SUCLA2: variants seen among roughly 807,000 people sequenced by gnomAD.
The protein encoded by SUCLA2 is succinate-CoA ligase ADP-forming subunit beta.
Under a neutral mutation model 54.8 loss-of-function variants are expected in SUCLA2, and 30 were observed. The ratio of observed to expected loss-of-function variants is 0.55; its 90% CI spans 0.41 to 0.74. The LOEUF is 0.74. Ranked by LOEUF, SUCLA2 falls within the 30% of genes least tolerant of loss-of-function variation. The pLI, the probability that SUCLA2 is intolerant of heterozygous loss-of-function variation, is 0.00. For missense variants in SUCLA2, 476 were observed against 562.9 expected (o/e 0.85, Z 1.56); for synonymous variants, 172 against 188.9 (o/e 0.91, Z 0.74).
At chr13:47,964,789 G>A (rs755142734) in intron 6 of SUCLA2, among the ~76,000 whole-genome samples, 9 of 151,958 alleles carry the variant, frequency 5.9e-5, no homozygotes, top group South Asian at 2.1e-4. Flanking sequence ...CCTGGGAGGC[G>A]GAGCTTGCAG....
chr13:47,967,885 A>T (rs969231385), intron 6 of SUCLA2, among the ~76,000 whole-genome samples: 2 of 151,486 alleles, frequency 1.3e-5, no homozygotes, highest in African/African-American at 2.4e-5. Flanking sequence ...ATTTGAGTAC[A>T]TGCAAAAACA....
rs776646126 is a variant in SUCLA2, at chr13:47,989,000, T to TA, written c.272-20dup. On this transcript the variant is annotated intron_variant, in intron 2 of 10. Transcript: ENST00000646932. ...TTTGAACCTAGAAGAAAAACACTTC[T>TA]ATTAAATATGAAGCATGGAGCAGCA... 3 of 1,605,400 alleles carry TA rather than the reference T, an allele frequency of 1.9e-6. No individual in the cohort carries two copies. Among genetic ancestry groups the TA allele is most frequent in the Non-Finnish European group, 1.7e-6 (2 of 1,173,298 alleles).
chr13:47,973,397 C>A lies in SUCLA2; in HGVS notation c.535-5G>T. 1 of 1,612,800 alleles carries A rather than the reference C, an allele frequency of 6.2e-7. No homozygotes were observed. Among genetic ancestry groups the A allele is most frequent in the Non-Finnish European group, 8.5e-7 (1 of 1,179,788 alleles). On this transcript the variant is annotated splice_region_variant and splice_polypyrimidine_tract_variant and intron_variant, in intron 4 of 10. Transcript: ENST00000646932. ...ACTTCCTATTAATACAGGACCCTGG[C>A]AAGGGAAGTAAACAACCAAAACTCT...
intron 1 of SUCLA2, among the ~76,000 whole-genome samples, chr13:47,998,597 C>G (rs2148242): frequency 1.3e-4 from 20 of 152,074 alleles, no homozygotes; most frequent in African/African-American, 4.6e-4. Flanking sequence ...GCTCACACAT[C>G]GATGGATTAA....
chr13:47,960,117 T>C (rs979961691), intron 6 of SUCLA2, among the ~76,000 whole-genome samples: 1 of 152,096 alleles, frequency 6.6e-6, no homozygotes, highest in African/African-American at 2.4e-5. Context: ...GTAGACTGAG[T>C]AGGGGAAAGA....
intron 10 of SUCLA2, among the ~76,000 whole-genome samples, chr13:47,944,974 TG>T (rs1949717958): frequency 2.0e-5 from 3 of 151,754 alleles, no homozygotes; most frequent in Non-Finnish European, 4.4e-5. Flanking sequence ...AATACAAGGC[TG>T]GGCGCAGTGG....
rs542927069 is a variant in SUCLA2 at position 47,993,271 on chromosome 13, A to C, written c.271+3572T>G. On this transcript the variant is annotated intron_variant, in intron 2 of 10. Transcript: ENST00000646932. ...AAACATTCTGCCAAACCCTTACTAA[A>C]ATCATATTTCCTTGAACTATGAACT... Among the ~76,000 whole-genome samples, 8 of 152,234 alleles carry C rather than the reference A, an allele frequency of 5.3e-5. No homozygotes were observed. The South Asian group carries it at 1.4e-3, about 28-fold the overall frequency.
At chr13:47,984,367 G>T (rs58596388) in intron 4 of SUCLA2, among the ~76,000 whole-genome samples, 1 of 150,132 alleles carries the variant, frequency 6.7e-6, no homozygotes, top group Non-Finnish European at 1.5e-5. Context: ...CTAATTTTTT[G>T]TTTTTTTTGT....
intron 4 of SUCLA2, among the ~76,000 whole-genome samples, chr13:47,973,648 C>A (rs1478634405): frequency 1.3e-5 from 2 of 151,968 alleles, no homozygotes; most frequent in African/African-American, 4.8e-5. Flanking sequence ...TTAAAATATA[C>A]ACAAAAACTT....
chr13:47,946,592 T>TAA lies in SUCLA2; in HGVS notation c.1317+2347_1317+2348insTT, dbSNP rs201297857. On this transcript the variant is annotated intron_variant, in intron 10 of 10. Coordinates refer to ENST00000646932, the MANE Select transcript of SUCLA2 (RefSeq NM_003850.3). ...AACAAAAGGTTGTGTTTTTTTTTTT[T>TAA]TAAAAAAAGCAATCCCTTTAAAAAC... 1.2e-3 allele frequency among the ~76,000 whole-genome samples: 178 copies of TAA among 146,308 alleles called. 1 individual carries two copies. Among genetic ancestry groups the TAA allele is most frequent in the Non-Finnish European group, 2.1e-3 (137 of 65,770 alleles).
intron 4 of SUCLA2, among the ~76,000 whole-genome samples, chr13:47,974,567 C>T (rs750706412): frequency 1.5e-4 from 23 of 151,728 alleles, no homozygotes; most frequent in Non-Finnish European, 2.9e-4. Context: ...AGCATGGGGA[C>T]AGAGAAAGAC....
At chr13:47,970,360 A>C (rs1328528738) in intron 5 of SUCLA2, among the ~76,000 whole-genome samples, 3 of 152,180 alleles carry the variant, frequency 2.0e-5, no homozygotes, top group Non-Finnish European at 2.9e-5. Flanking sequence ...GCAAAATGCT[A>C]TAATCTTAGA....
intron 4 of SUCLA2, among the ~76,000 whole-genome samples, chr13:47,977,318 G>C (rs529010978): frequency 1.3e-5 from 2 of 152,154 alleles, no homozygotes; most frequent in South Asian, 4.1e-4. Context: ...AGGAAGCCCG[G>C]GACCAAATGG....
chr13:47,974,335 C>A (rs1949991855), intron 4 of SUCLA2, among the ~76,000 whole-genome samples: 1 of 152,186 alleles, frequency 6.6e-6, no homozygotes, highest in Non-Finnish European at 1.5e-5. Context: ...CCTGTAATCA[C>A]AGCACTTCGG....
In SUCLA2 at chr13:47,954,221, T is replaced by C; in HGVS notation, c.1026A>G (p.Pro342=). 6.2e-7 allele frequency: 1 copy of C among 1,613,978 alleles called. No homozygotes were observed. The highest frequency in any genetic ancestry group is 8.5e-7 in the Non-Finnish European group (1 of 1,179,878). Residue 342 remains proline, a synonymous_variant, in exon 8 of 11, where the codon CCA becomes CCG. Transcript: ENST00000646932. ...CACCACCAACATCAAGGAAGTTGGCTGGAGTCCCTCCATGAAGTTTTATTA... is the reference window on the plus strand; with the variant it reads ...CACCACCAACATCAAGGAAGTTGGCCGGAGTCCCTCCATGAAGTTTTATTA... ...MDIIKLHGGT[P]ANFLDVGGGA... is the part of the protein sequence containing the mutation.
rs565456094 is a variant in SUCLA2, at chr13:47,988,983, T to G, written c.272-2A>C. On this transcript the variant is annotated splice_acceptor_variant, in intron 2 of 10. Transcript: ENST00000646932. LOFTEE classifies it high-confidence loss of function. ...CCTTTATCACGACATCTTTTGAACC[T>G]AGAAGAAAAACACTTCTATTAAATA... 6.8e-6 allele frequency: 11 copies of G among 1,613,110 alleles called. No homozygotes were observed. The highest frequency in any genetic ancestry group is 9.3e-6 in the Non-Finnish European group (11 of 1,179,694).
chr13:47,943,961 T>C (rs946965517), intron 10 of SUCLA2, among the ~76,000 whole-genome samples: 2 of 152,018 alleles, frequency 1.3e-5, no homozygotes, highest in African/African-American at 4.8e-5. Flanking sequence ...AAGTTAACAA[T>C]TGCTAACCTG....
At position 47,943,276 on chromosome 13, in the gene SUCLA2, A is replaced by G; in HGVS notation, c.*95T>C. 7.9e-7 allele frequency: 1 copy of G among 1,267,662 alleles called. No individual in the cohort carries two copies. Among genetic ancestry groups the G allele is most frequent in the South Asian group, 1.2e-5 (1 of 83,516 alleles). The allele number at this position is 1,267,662 out of a possible 1,614,324, so 78.5% of individuals were successfully genotyped here. ...TGCCTAGATGGCAATTACAATCTCC[A>G]CACACTAAAAAGAAAAAGAACAATA... On this transcript the variant is annotated 3_prime_UTR_variant, in exon 11 of 11. Transcript: ENST00000646932.
intron 4 of SUCLA2, among the ~76,000 whole-genome samples, chr13:47,984,755 G>A (rs186887061): frequency 3.3e-5 from 5 of 151,776 alleles, no homozygotes; most frequent in East Asian, 1.9e-4. Flanking sequence ...CAGCCTGGGC[G>A]ACAGAGCAAG....
Sources: gnomAD v4.1 joint callset for allele counts (sites outside exome capture counted in the v4.1 genomes callset) on GRCh38, gnomAD v4.1.1 for gene constraint, MANE v1.5 for transcripts, NCBI Gene and HGNC (gene_info 2026-07-23, HGNC 2026-07-21) for gene names.